IQGAP1: variants seen among roughly 807,000 people sequenced by gnomAD.
The protein encoded by IQGAP1 is ras GTPase-activating-like protein IQGAP1.
In IQGAP1, 66 loss-of-function variants were observed where a neutral mutation model predicts 215.6. That is an observed-to-expected ratio of 0.31 (90% CI 0.25 to 0.38). The LOEUF (loss-of-function observed/expected upper bound fraction) is 0.38. Among genes scored for constraint, IQGAP1 ranks in the 10% least tolerant of loss-of-function variants. The probability of loss-of-function intolerance (pLI) is 1.00; values close to 1 mark genes in which losing one functional copy is unlikely to be tolerated. For missense variants in IQGAP1, 1,712 were observed against 1,997.1 expected (o/e 0.86, Z 2.72); for synonymous variants, 772 against 728.7 (o/e 1.06, Z -0.96).
intron 1 of IQGAP1, among the ~76,000 whole-genome samples, chr15:90,390,272 T>C (rs1964616416): frequency 1.3e-5 from 2 of 152,238 alleles, no homozygotes; most frequent in African/African-American, 4.8e-5. Context: ...CCCTGTCACT[T>C]ATTTGCCATG....
rs768410439 is a variant in IQGAP1, at chr15:90,454,521, T to G, written c.1581T>G (p.His527Gln). Residue 527 changes from histidine to glutamine, a missense_variant, in exon 14 of 38, where the codon CAT becomes CAG. Around this residue, in one of 2 missense-constraint regions of IQGAP1, gnomAD observed 1,021 missense variants for 1,074.2 expected, o/e 0.95. Coordinates refer to ENST00000268182, the MANE Select transcript of IQGAP1 (RefSeq NM_003870.4). The stretch of plus-strand genomic sequence containing the variant: ...ATGATATCCAAGCTTGCGTGGACCA[T>G]GTGAACCTGGTGGTGCAAGAGGAAC... ...TWNDIQACVDHVNLVVQEEHE... is the reference protein window; with the variant it reads ...TWNDIQACVDQVNLVVQEEHE... The G allele has an allele frequency of 2.5e-6, 4 of 1,600,812 alleles. No individual in the cohort carries two copies. Among genetic ancestry groups the G allele is most frequent in the Non-Finnish European group, 3.4e-6 (4 of 1,174,344 alleles).
chr15:90,474,768 G>T, intron 23 of IQGAP1, 75 bp downstream of exon 23: 4 of 1,129,708 alleles, frequency 3.5e-6, no homozygotes, highest in Non-Finnish European at 2.7e-6. Context: ...CTTTCTGACT[G>T]GTGGGGAGGG....
intron 11 of IQGAP1, among the ~76,000 whole-genome samples, chr15:90,450,002 G>A (rs924116743): frequency 6.6e-6 from 1 of 152,150 alleles, no homozygotes; most frequent in Non-Finnish European, 1.5e-5. Context: ...TTTTGTTGAT[G>A]TTGGGAACAT....
chr15:90,397,888 C>CTTTTTT (rs763133807), intron 2 of IQGAP1: 1 of 44,376 alleles, frequency 2.3e-5, no homozygotes, highest in African/African-American at 1.2e-4. Flanking sequence ...TTTTTTTTTT[C>CTTTTTT]TTTTTTTTTT....
intron 28 of IQGAP1, 32 bp downstream of exon 28, chr15:90,482,313 C>G (rs1357065125): frequency 1.9e-6 from 3 of 1,601,200 alleles, no homozygotes; most frequent in Admixed American, 3.3e-5. Flanking sequence ...GACTCCTGCC[C>G]TTTGAGGACA....
At chr15:90,487,369 C>CTT in intron 32 of IQGAP1, 126 bp from the exon 33 acceptor site, 1 of 724,952 alleles carries the variant, frequency 1.4e-6, no homozygotes, top group Non-Finnish European at 2.4e-6. Context: ...GTACTGTGTA[C>CTT]TGGCAGCTGC....
intron 22 of IQGAP1, 21 bp downstream of exon 22, chr15:90,474,154 G>A (rs1965946025): frequency 6.3e-7 from 1 of 1,594,972 alleles, no homozygotes; most frequent in Non-Finnish European, 8.5e-7. Context: ...GGCTCCGCAT[G>A]AAGAGTTGAG....
chr15:90,433,590 G>A (rs1267454157), intron 4 of IQGAP1, 129 bp from the exon 5 acceptor site: 2 of 471,158 alleles, frequency 4.2e-6, no homozygotes, highest in South Asian at 2.5e-5. Flanking sequence ...GAATGCCACC[G>A]ATGTTTTCTA....
chr15:90,465,359 C>A (rs777502121), intron 15 of IQGAP1, among the ~76,000 whole-genome samples: 1 of 152,158 alleles, frequency 6.6e-6, no homozygotes, highest in East Asian at 1.9e-4. Context: ...TATACCCTGG[C>A]CCTTGTCACC....
intron 11 of IQGAP1, among the ~76,000 whole-genome samples, chr15:90,450,330 C>CTTTT (rs869037347): frequency 2.0e-4 from 11 of 54,458 alleles, no homozygotes; most frequent in South Asian, 7.7e-4. Context: ...TATACACTAC[C>CTTTT]TTTTTTTTTT....
rs7176819 is a variant in IQGAP1 at position 90,448,631 on chromosome 15, G to A, written c.972G>A (p.Leu324=). ...LALEQGDALA[L]FRALQSPALG... ...TAGAACAAGGAGATGCACTGGCCTT[G>A]TTCAGGGCTCTGCAGTCACCAGCCC... is the stretch of plus-strand genomic sequence containing the variant. The change falls in exon 10 of 38, where the codon TTG becomes TTA. Residue 324 remains leucine (L), a synonymous_variant. Coordinates refer to ENST00000268182, the MANE Select transcript of IQGAP1 (RefSeq NM_003870.4). 1.0e-3 allele frequency: 1,609 copies of A among 1,611,608 alleles called. 9 individuals carry two copies. The African/African-American group carries it at 0.019, about 19-fold the overall frequency.
intron 30 of IQGAP1, among the ~76,000 whole-genome samples, chr15:90,485,630 G>A (rs948777115): frequency 6.6e-6 from 1 of 152,128 alleles, no homozygotes; most frequent in African/African-American, 2.4e-5. Flanking sequence ...AGTAGAGACA[G>A]GGTTTCATCA....
chr15:90,448,837 A>G (rs1453761403), intron 10 of IQGAP1, 101 bp downstream of exon 10: 11 of 1,079,446 alleles, frequency 1.0e-5, no homozygotes, highest in African/African-American at 1.6e-5. Context: ...TTTTCCCCCA[A>G]TACGACTTTT....
At chr15:90,474,254 T>C in intron 22 of IQGAP1, 121 bp downstream of exon 22, 2 of 921,548 alleles carry the variant, frequency 2.2e-6, no homozygotes, top group Non-Finnish European at 3.3e-6. Flanking sequence ...GGGTGTGACC[T>C]GTGACATAAG....
intron 8 of IQGAP1, 31 bp downstream of exon 8, chr15:90,441,715 A>T: frequency 6.8e-7 from 1 of 1,461,616 alleles, no homozygotes; most frequent in Non-Finnish European, 9.4e-7. Context: ...CTTTCTAATT[A>T]ATTTATATTA....
chr15:90,446,876 A>C (rs1211065860), intron 9 of IQGAP1, among the ~76,000 whole-genome samples: 1 of 152,216 alleles, frequency 6.6e-6, no homozygotes, highest in Non-Finnish European at 1.5e-5. Flanking sequence ...AATGTTCCAC[A>C]CTTTATTATG....
chr15:90,411,206 T>C (rs1214234284), intron 2 of IQGAP1, among the ~76,000 whole-genome samples: 1 of 152,184 alleles, frequency 6.6e-6, no homozygotes, highest in African/African-American at 2.4e-5. Context: ...ATCTTTATTA[T>C]AACTTTTCTC....
chr15:90,479,703 G>T (rs1001901475), intron 26 of IQGAP1, among the ~76,000 whole-genome samples: 1 of 152,014 alleles, frequency 6.6e-6, no homozygotes, highest in Non-Finnish European at 1.5e-5. Context: ...CCTTGATGGC[G>T]CCACTGCACT....
intron 33 of IQGAP1, among the ~76,000 whole-genome samples, chr15:90,488,845 G>A (rs1031483464): frequency 6.6e-6 from 1 of 152,184 alleles, no homozygotes; most frequent in Non-Finnish European, 1.5e-5. Context: ...TGTCTAGAAT[G>A]GAGCTGTGGG....
Sources: gnomAD v4.1 joint callset for allele counts (sites outside exome capture counted in the v4.1 genomes callset) on GRCh38, gnomAD v4.1.1 for gene constraint, gnomAD v4.1.1 regional missense constraint, MANE v1.5 for transcripts, NCBI Gene and HGNC (gene_info 2026-07-23, HGNC 2026-07-21) for gene names.